The following PPHLN1 variants were observed in gnomAD, a reference collection of about 807,000 sequenced individuals.
PPHLN1 encodes the protein periphilin-1.
Under a neutral mutation model 51.3 loss-of-function variants are expected in PPHLN1, and 29 were observed. The observed-to-expected ratio is 0.57, with a 90% CI of 0.42 to 0.77. PPHLN1 has a LOEUF of 0.77. Among genes scored for constraint, PPHLN1 ranks in the 30% least tolerant of loss-of-function variants. The pLI is 0.00. For synonymous variants in PPHLN1, 147 were observed against 147.8 expected (o/e 0.99, Z 0.04); for missense variants, 436 against 438.4 (o/e 0.99, Z 0.05).
At chr12:42,391,084 AG>A (rs1160999383) in intron 7 of PPHLN1, among the ~76,000 whole-genome samples, 2 of 152,076 alleles carry the variant, frequency 1.3e-5, no homozygotes, top group African/African-American at 2.4e-5. Flanking sequence ...AGCTGTGGGG[AG>A]CTTTATGAGC....
At chr12:42,419,398 C>CACCTGACT (rs71084651) in intron 9 of PPHLN1, among the ~76,000 whole-genome samples, 1 of 151,978 alleles carries the variant, frequency 6.6e-6, no homozygotes, top group South Asian at 2.1e-4. Flanking sequence ...CCCACCACCA[C>CACCTGACT]ACCTTTTATA....
At position 42,358,261 on chromosome 12, in the gene PPHLN1, T is replaced by TTTTATTTCA. The variant is rs2074260897; in HGVS notation, c.299+3043_299+3044insTTTCATTTA. Among the ~76,000 whole-genome samples, 4 of 152,196 alleles carry TTTTATTTCA rather than the reference T, an allele frequency of 2.6e-5. No individual in the cohort carries two copies. In the South Asian group the frequency reaches 8.3e-4, roughly 32 times the overall value. ...TAACATTTTGTGTATGTATATAACATTTTACATAAATGAAATAAAAACATA... is the reference window on the plus strand; with the variant it reads ...TAACATTTTGTGTATGTATATAACATTTTATTTCATTTACATAAATGAAATAAAAACATA... On this transcript the variant is annotated intron_variant, in intron 4 of 9. Coordinates refer to ENST00000358314, the MANE Select transcript of PPHLN1 (RefSeq NM_201439.2).
intron 2 of PPHLN1, among the ~76,000 whole-genome samples, chr12:42,337,144 G>A (rs11181430): frequency 0.16 from 24,734 of 151,208 alleles, 2,068 homozygotes; most frequent in Admixed American, 0.21. Flanking sequence ...ACTTGATAAG[G>A]TTATTCTGTA....
chr12:42,429,937 G>A (rs1402280228), intron 9 of PPHLN1, among the ~76,000 whole-genome samples: 1 of 152,172 alleles, frequency 6.6e-6, no homozygotes, highest in Non-Finnish European at 1.5e-5. Flanking sequence ...ATTTCTGGAT[G>A]TAATAAGAAA....
intron 4 of PPHLN1, chr12:42,359,290 C>G (rs1261559875): frequency 6.6e-6 from 1 of 152,246 alleles, no homozygotes; most frequent in Middle Eastern, 3.4e-3. Flanking sequence ...TATATTCATT[C>G]ATTTATTAAA....
intron 5 of PPHLN1, among the ~76,000 whole-genome samples, chr12:42,375,739 A>G (rs1255020590): frequency 6.6e-6 from 1 of 151,976 alleles, no homozygotes; most frequent in African/African-American, 2.4e-5. Flanking sequence ...GACATTCTGT[A>G]CAATCTTAGC....
At chr12:42,438,959 G>A (rs1473152255) in intron 9 of PPHLN1, among the ~76,000 whole-genome samples, 3 of 152,162 alleles carry the variant, frequency 2.0e-5, no homozygotes, top group Admixed American at 6.5e-5. Context: ...TATCACATAC[G>A]TGTTTTGCAA....
rs74346514 is a variant in PPHLN1, at chr12:42,363,332, A to T, written c.299+8110A>T. Among the ~76,000 whole-genome samples the T allele has an allele frequency of 0.017, 926 of 53,338 alleles. 21 individuals are homozygous for T. In the East Asian group the frequency reaches 0.18, roughly 10 times the overall value. 35.0% of individuals were successfully genotyped at this position (53,338 alleles called of 152,430 possible). A position where few individuals can be genotyped will look rare whatever the true frequency, so the allele number is the denominator to read the frequency against. The stretch of plus-strand genomic sequence containing the variant: ...TTTTTTAAAATTAATTAATTAATTT[A>T]AAAAAAAATTTTTTTTGTAGTTTGC... On this transcript the variant is annotated intron_variant, in intron 4 of 9. Transcript: ENST00000358314.
chr12:42,432,343 T>A, intron 9 of PPHLN1: 2 of 740,078 alleles, frequency 2.7e-6, no homozygotes, highest in Admixed American at 3.7e-5. Flanking sequence ...ATTCCATTCT[T>A]AGCTGTTCTA....
intron 3 of PPHLN1, among the ~76,000 whole-genome samples, chr12:42,354,261 C>T (rs1386198021): frequency 6.6e-6 from 1 of 152,076 alleles, no homozygotes; most frequent in Non-Finnish European, 1.5e-5. Context: ...TTCTGTTGCC[C>T]AGGCTGGAGT....
chr12:42,439,413 C>T (rs1317648754), intron 9 of PPHLN1, among the ~76,000 whole-genome samples: 1 of 152,242 alleles, frequency 6.6e-6, no homozygotes, highest in Non-Finnish European at 1.5e-5. Context: ...GGGTCTGTAT[C>T]TGGACTGTCC....
chr12:42,392,272 A>T (rs2077794797), intron 7 of PPHLN1, among the ~76,000 whole-genome samples: 1 of 152,130 alleles, frequency 6.6e-6, no homozygotes, highest in South Asian at 2.1e-4. Flanking sequence ...TTTATTAATG[A>T]CTTTGAGCAG....
intron 1 of PPHLN1, among the ~76,000 whole-genome samples, chr12:42,330,998 C>T (rs1324201283): frequency 1.3e-5 from 2 of 152,222 alleles, no homozygotes; most frequent in Non-Finnish European, 2.9e-5. Context: ...CGTGAGCCAC[C>T]GTGCCCAGCC....
intron 7 of PPHLN1, among the ~76,000 whole-genome samples, chr12:42,392,028 C>T (rs1416965526): frequency 2.0e-5 from 3 of 152,090 alleles, no homozygotes; most frequent in Admixed American, 2.0e-4. Context: ...ACCAGCCTGG[C>T]CAACGTGGTG....
chr12:42,398,771 G>A, intron 8 of PPHLN1, 83 bp from the exon 9 acceptor site: 2 of 1,186,370 alleles, frequency 1.7e-6, no homozygotes, highest in East Asian at 2.5e-5. Context: ...AATATAATTT[G>A]CCAGTTAGTG....
At chr12:42,396,014 G>T (rs1456426676) in intron 8 of PPHLN1, among the ~76,000 whole-genome samples, 1 of 151,976 alleles carries the variant, frequency 6.6e-6, no homozygotes, top group Admixed American at 6.6e-5. Flanking sequence ...TTCATCTTCT[G>T]GGCTCTACTA....
At chr12:42,414,775 G>T (rs1796378) in intron 9 of PPHLN1, among the ~76,000 whole-genome samples, 76,175 of 151,920 alleles carry the variant, frequency 0.5, 19,349 homozygotes, top group Admixed American at 0.56. Flanking sequence ...TATTTCTTTC[G>T]CTTGCCTGAT....
chr12:42,335,226 C>G (rs534398325), intron 1 of PPHLN1, among the ~76,000 whole-genome samples: 1 of 151,892 alleles, frequency 6.6e-6, no homozygotes, highest in Non-Finnish European at 1.5e-5. Context: ...CCCCCCCCTT[C>G]TCTGAATCCC....
In PPHLN1 at chr12:42,400,757, G is replaced by GTC. The variant is rs35916281; in HGVS notation, c.909+1779_909+1780dup. 9.9e-3 allele frequency among the ~76,000 whole-genome samples: 1,392 copies of GTC among 140,636 alleles called. 14 individuals carry two copies. The highest frequency in any genetic ancestry group is 0.027 in the African/African-American group (1,005 of 37,428). The allele number at this position is 140,636 out of a possible 152,430, so 92.3% of individuals were successfully genotyped here. On this transcript the variant is annotated intron_variant, in intron 9 of 9. Transcript: ENST00000358314. ...AAATAACAGGGGAGAGCGAGACCCTGTCTCTCTCTCTCTCTCTTTCTCTCT... is the reference window on the plus strand; with the variant it reads ...AAATAACAGGGGAGAGCGAGACCCTGTCTCTCTCTCTCTCTCTCTTTCTCTCT...
Sources: gnomAD v4.1 joint callset for allele counts (sites outside exome capture counted in the v4.1 genomes callset) on GRCh38, gnomAD v4.1.1 for gene constraint, MANE v1.5 for transcripts, NCBI Gene and HGNC (gene_info 2026-07-23, HGNC 2026-07-21) for gene names.